PARM1: variants seen among roughly 807,000 people sequenced by gnomAD.
The protein encoded by PARM1 is prostate androgen-regulated mucin-like protein 1.
PARM1 carries 14 observed loss-of-function variants against 24.6 expected under a neutral mutation model. The ratio of observed to expected loss-of-function variants is 0.57; its 90% CI spans 0.38 to 0.89. The LOEUF is 0.89. Ranked by LOEUF, PARM1 falls within the 40% of genes least tolerant of loss-of-function variation. PARM1 has a pLI of 0.00. For synonymous variants in PARM1, 179 were observed against 156.6 expected (o/e 1.14, Z -1.07); for missense variants, 362 against 380.4 (o/e 0.95, Z 0.40).
chr4:75,019,770 G>A (rs963688018), intron 2 of PARM1, among the ~76,000 whole-genome samples: 3 of 151,882 alleles, frequency 2.0e-5, no homozygotes, highest in Non-Finnish European at 4.4e-5. Context: ...TTGGGAGGCC[G>A]AGGCGGGTGG....
chr4:75,008,026 A>G (rs551207221), intron 1 of PARM1, among the ~76,000 whole-genome samples: 44 of 152,362 alleles, frequency 2.9e-4, no homozygotes, highest in Non-Finnish European at 5.1e-4. Flanking sequence ...ATTTAGTTAC[A>G]GCAGTCCTAG....
In PARM1 at chr4:75,047,584, C is replaced by G. The variant is rs1368264220; in HGVS notation, c.*1337C>G. The G allele has an allele frequency of 6.6e-6, 1 of 152,210 alleles. No individual in the cohort carries two copies. The highest frequency in any genetic ancestry group is 1.5e-5 in the Non-Finnish European group (1 of 68,044). The allele number at this position is 152,210 out of a possible 1,614,324, so 9.4% of individuals were successfully genotyped here. ...CTGGTGACAGTTTTCATTGTCATGA[C>G]TTGGGGGTGCTACTAGAAGCCAGGA... On this transcript the variant is annotated 3_prime_UTR_variant, in exon 4 of 4. Coordinates refer to ENST00000307428, the MANE Select transcript of PARM1 (RefSeq NM_015393.4).
At chr4:74,995,387 A>G (rs570866982) in intron 1 of PARM1, among the ~76,000 whole-genome samples, 2 of 152,314 alleles carry the variant, frequency 1.3e-5, no homozygotes, top group South Asian at 4.1e-4. Flanking sequence ...TTTACTACTA[A>G]TTAACATTTA....
chr4:75,031,289 A>G (rs977102983), intron 2 of PARM1, among the ~76,000 whole-genome samples: 7 of 152,208 alleles, frequency 4.6e-5, no homozygotes, highest in Non-Finnish European at 8.8e-5. Context: ...GTTTTATCTT[A>G]TACCATTTGG....
intron 1 of PARM1, among the ~76,000 whole-genome samples, chr4:74,961,699 A>G (rs1382058131): frequency 6.6e-6 from 1 of 152,242 alleles, no homozygotes; most frequent in African/African-American, 2.4e-5. Flanking sequence ...AAAGCTGTCA[A>G]CCAAGAATCC....
chr4:75,005,790 A>G (rs1196451272), intron 1 of PARM1, among the ~76,000 whole-genome samples: 1 of 152,214 alleles, frequency 6.6e-6, no homozygotes, highest in African/African-American at 2.4e-5. Flanking sequence ...TGCAGCAAAA[A>G]AGCTTGAACC....
At chr4:75,007,047 A>G (rs898369262) in intron 1 of PARM1, among the ~76,000 whole-genome samples, 1 of 152,254 alleles carries the variant, frequency 6.6e-6, no homozygotes, top group Admixed American at 6.5e-5. Context: ...AAGCAACCCC[A>G]TCAAAAAGTG....
intron 1 of PARM1, among the ~76,000 whole-genome samples, chr4:74,953,509 A>G (rs1337485914): frequency 6.6e-6 from 1 of 152,256 alleles, no homozygotes; most frequent in Non-Finnish European, 1.5e-5. Flanking sequence ...CAATGTGGCA[A>G]GACAGCCTGG....
intron 2 of PARM1, among the ~76,000 whole-genome samples, chr4:75,024,431 C>G (rs1723146504): frequency 6.6e-6 from 1 of 152,138 alleles, no homozygotes; most frequent in African/African-American, 2.4e-5. Context: ...AACTATGACT[C>G]TCTGTTCCCT....
At chr4:74,964,409 T>C (rs1231003440) in intron 1 of PARM1, among the ~76,000 whole-genome samples, 1 of 152,192 alleles carries the variant, frequency 6.6e-6, no homozygotes, top group Admixed American at 6.5e-5. Context: ...GCTTTCAGCA[T>C]TGGTCTGTAC....
chr4:75,014,699 C>A (rs1467211684), intron 2 of PARM1, among the ~76,000 whole-genome samples: 1 of 152,172 alleles, frequency 6.6e-6, no homozygotes, highest in Non-Finnish European at 1.5e-5. Context: ...TCCTAGAGGG[C>A]TGGTCAGAGA....
intron 3 of PARM1, among the ~76,000 whole-genome samples, chr4:75,039,210 A>C (rs982815538): frequency 6.6e-6 from 1 of 152,174 alleles, no homozygotes; most frequent in East Asian, 1.9e-4. Flanking sequence ...TTTAATGTGC[A>C]TAAGAATCAA....
intron 2 of PARM1, among the ~76,000 whole-genome samples, chr4:75,022,328 T>C (rs1009594312): frequency 2.0e-5 from 3 of 152,256 alleles, no homozygotes; most frequent in Non-Finnish European, 2.9e-5. Flanking sequence ...GATTTTATTT[T>C]AAGTAAAAAT....
chr4:74,936,541 C>T (rs1172154111), intron 1 of PARM1, among the ~76,000 whole-genome samples: 1 of 151,532 alleles, frequency 6.6e-6, no homozygotes, highest in Non-Finnish European at 1.5e-5. Context: ...GCAAGCTCCG[C>T]CTCCCGGGTT....
At chr4:74,975,404 T>C (rs185368567) in intron 1 of PARM1, among the ~76,000 whole-genome samples, 1 of 152,338 alleles carries the variant, frequency 6.6e-6, no homozygotes, top group Admixed American at 6.5e-5. Context: ...GTTATTTCAG[T>C]TTCTTTAATT....
chr4:75,006,439 A>T (rs1012142951), intron 1 of PARM1, among the ~76,000 whole-genome samples: 1 of 152,116 alleles, frequency 6.6e-6, no homozygotes, highest in Admixed American at 6.5e-5. Flanking sequence ...GATGGTTTCC[A>T]GCTTCATCCA....
intron 1 of PARM1, among the ~76,000 whole-genome samples, chr4:74,999,603 C>T (rs1722639711): frequency 6.6e-6 from 1 of 152,176 alleles, no homozygotes; most frequent in Non-Finnish European, 1.5e-5. Flanking sequence ...GTTCCTTGCA[C>T]ACAGCAGGCA....
chr4:75,009,860 A>G (rs1381416028), intron 1 of PARM1, among the ~76,000 whole-genome samples: 1 of 152,258 alleles, frequency 6.6e-6, no homozygotes, highest in East Asian at 1.9e-4. Context: ...TAGAAGAGAC[A>G]ATAAATAAGT....
intron 1 of PARM1, chr4:74,965,543 T>G (rs926760599): frequency 7.2e-5 from 11 of 152,234 alleles, no homozygotes; most frequent in African/African-American, 2.4e-4. Flanking sequence ...GTATGAAATC[T>G]TTAGTAAAGT....
Sources: allele counts gnomAD v4.1 joint callset (sites outside exome capture counted in the v4.1 genomes callset), GRCh38; gene constraint gnomAD v4.1.1; transcripts MANE v1.5; gene names NCBI Gene and HGNC (gene_info 2026-07-23, HGNC 2026-07-21).